Variants in PDE4D observed in about 807,000 individuals in gnomAD.
The protein encoded by PDE4D is phosphodiesterase 4D.
A neutral mutation model predicts 87.4 loss-of-function variants in PDE4D; 24 were observed. The observed-to-expected ratio is 0.27, with a 90% CI of 0.20 to 0.39. The LOEUF (loss-of-function observed/expected upper bound fraction) is 0.39, where lower values mean the gene tolerates loss of function less well. Ranked by LOEUF, PDE4D falls within the 10% of genes least tolerant of loss-of-function variation. The pLI is 1.00. For missense variants in PDE4D, 714 were observed against 1,041.0 expected (o/e 0.69, Z 4.32); for synonymous variants, 384 against 383.2 (o/e 1.00, Z -0.02).
At chr5:59,096,571 T>C (rs1473251215) in intron 5 of PDE4D, among the ~76,000 whole-genome samples, 1 of 152,116 alleles carries the variant, frequency 6.6e-6, no homozygotes, top group Non-Finnish European at 1.5e-5. Flanking sequence ...AAAGAGATGC[T>C]CTCTTTTTTT....
At chr5:60,358,428 G>A (rs1396849474) in intron 1 of PDE4D, among the ~76,000 whole-genome samples, 1 of 152,158 alleles carries the variant, frequency 6.6e-6, no homozygotes, top group Non-Finnish European at 1.5e-5. Context: ...GCTGGCAGAG[G>A]CATTGATAAA....
intron 1 of PDE4D, among the ~76,000 whole-genome samples, chr5:60,498,166 G>GCACACACATGCACA (rs1749906919): frequency 6.9e-6 from 1 of 144,210 alleles, no homozygotes; most frequent in East Asian, 2.0e-4. Context: ...ACACACACAT[G>GCACACACATGCACA]CACACACACA....
At chr5:60,506,154 G>A (rs868248211) in intron 1 of PDE4D, among the ~76,000 whole-genome samples, 51 of 152,290 alleles carry the variant, frequency 3.3e-4, no homozygotes, top group Middle Eastern at 3.4e-3. Context: ...GTCTACTTGC[G>A]TAGGGCATAT....
intron 1 of PDE4D, among the ~76,000 whole-genome samples, chr5:59,662,129 G>A (rs544982394): frequency 1.7e-3 from 263 of 152,252 alleles, no homozygotes; most frequent in Non-Finnish European, 2.8e-3. Context: ...CCACAGTTCC[G>A]TTGTCAGAGT....
intron 1 of PDE4D, among the ~76,000 whole-genome samples, chr5:59,683,612 A>G (rs1167270297): frequency 6.6e-6 from 1 of 152,220 alleles, no homozygotes; most frequent in African/African-American, 2.4e-5. Context: ...GTAAATATAT[A>G]TCGAGCAGAA....
At chr5:59,665,306 G>T (rs913616900) in intron 1 of PDE4D, among the ~76,000 whole-genome samples, 2 of 152,154 alleles carry the variant, frequency 1.3e-5, no homozygotes, top group African/African-American at 4.8e-5. Context: ...CTGGAGTAAG[G>T]TTACAATGTT....
chr5:59,346,589 C>T (rs1306787515), intron 1 of PDE4D, among the ~76,000 whole-genome samples: 1 of 152,022 alleles, frequency 6.6e-6, no homozygotes, highest in Non-Finnish European at 1.5e-5. Context: ...TATGTTGTCT[C>T]AGTTTACACG....
intron 1 of PDE4D, among the ~76,000 whole-genome samples, chr5:59,886,642 G>C (rs67593819): frequency 0.057 from 8,641 of 152,208 alleles, 320 homozygotes; most frequent in African/African-American, 0.1. Flanking sequence ...GGTAAGGAAG[G>C]GGTGTTGCAG....
At chr5:59,651,267 T>TAATAAG (rs1405907743) in intron 1 of PDE4D, among the ~76,000 whole-genome samples, 6 of 137,796 alleles carry the variant, frequency 4.4e-5, no homozygotes, top group East Asian at 2.0e-4. Context: ...ACAATAATAA[T>TAATAAG]AATAATAATA....
At chr5:60,488,436 T>C (rs1272372517), upstream of PDE4D, 2 of 151,808 alleles carry the variant, frequency 1.3e-5, no homozygotes, top group East Asian at 3.9e-4. Flanking sequence ...AATTTTCATC[T>C]TTCTTTTTAT....
intron 1 of PDE4D, among the ~76,000 whole-genome samples, chr5:60,382,867 C>T (rs1451906896): frequency 6.6e-6 from 1 of 152,188 alleles, no homozygotes; most frequent in East Asian, 1.9e-4. Flanking sequence ...CAGTTGCACC[C>T]TGCTACACTT....
At chr5:60,116,319 A>C (rs961199489) in intron 2 of PDE4D, among the ~76,000 whole-genome samples, 1 of 152,146 alleles carries the variant, frequency 6.6e-6, no homozygotes, top group East Asian at 1.9e-4. Context: ...AGAGTTCTAT[A>C]GGAGGAGCAA....
chr5:60,048,755 C>T (rs1402669513), intron 2 of PDE4D, among the ~76,000 whole-genome samples: 1 of 152,042 alleles, frequency 6.6e-6, no homozygotes, highest in African/African-American at 2.4e-5. Flanking sequence ...TGATGGGCTT[C>T]CCTTTGAGGG....
intron 1 of PDE4D, among the ~76,000 whole-genome samples, chr5:60,237,550 G>C (rs773317248): frequency 1.1e-4 from 17 of 152,158 alleles, no homozygotes; most frequent in Non-Finnish European, 2.4e-4. Flanking sequence ...TTATATAACA[G>C]TCTCAAAAAG....
intron 2 of PDE4D, among the ~76,000 whole-genome samples, chr5:60,059,210 G>C (rs1771132678): frequency 6.6e-6 from 1 of 151,938 alleles, no homozygotes; most frequent in Admixed American, 6.6e-5. Context: ...TGGCACCAGA[G>C]AACACTGTTG....
At chr5:59,185,045 T>A (rs898536380) in intron 4 of PDE4D, 144 bp downstream of exon 4, 11 of 575,332 alleles carry the variant, frequency 1.9e-5, no homozygotes, top group African/African-American at 1.5e-4. Context: ...TATAGAAAAT[T>A]AACAGGACAT....
At chr5:59,485,850 G>C (rs1805047157) in intron 1 of PDE4D, among the ~76,000 whole-genome samples, 1 of 152,106 alleles carries the variant, frequency 6.6e-6, no homozygotes, top group Admixed American at 6.6e-5. Context: ...CGTCAATTCA[G>C]ATCAAATTCA....
chr5:60,013,861 T>TA (rs1475365530), intron 2 of PDE4D, among the ~76,000 whole-genome samples: 1 of 139,998 alleles, frequency 7.1e-6, no homozygotes, highest in African/African-American at 2.5e-5. Context: ...AGCCTCCATA[T>TA]AAAAAATCTG....
intron 2 of PDE4D, among the ~76,000 whole-genome samples, chr5:60,002,377 C>T (rs896182381): frequency 6.6e-6 from 1 of 151,730 alleles, no homozygotes; most frequent in African/African-American, 2.4e-5. Context: ...CAAACTCTTC[C>T]AAAAAAAGTG....
Sources: gnomAD v4.1 joint callset for allele counts (sites outside exome capture counted in the v4.1 genomes callset) on GRCh38, gnomAD v4.1.1 for gene constraint, MANE v1.5 for transcripts, NCBI Gene and HGNC (gene_info 2026-07-23, HGNC 2026-07-21) for gene names.